The following WDFY2 variants were observed in gnomAD, a reference collection of about 807,000 sequenced individuals.
The protein encoded by WDFY2 is WD repeat and FYVE domain-containing protein 2.
In WDFY2, 36 loss-of-function variants were observed where a neutral mutation model predicts 56.4. That is an observed-to-expected ratio of 0.64 (90% CI 0.49 to 0.84). The LOEUF (loss-of-function observed/expected upper bound fraction) is 0.84. WDFY2 is among the 40% of genes least tolerant of loss of function. The pLI is 0.00. For missense variants in WDFY2, 444 were observed against 512.2 expected (o/e 0.87, Z 1.29); for synonymous variants, 176 against 183.7 (o/e 0.96, Z 0.34).
intron 7 of WDFY2, 127 bp downstream of exon 7, chr13:51,739,302 A>C: frequency 1.8e-6 from 2 of 1,104,556 alleles, no homozygotes; most frequent in Non-Finnish European, 2.4e-6. Flanking sequence ...GAACACAAAT[A>C]CTGGCCACTT....
chr13:51,621,219 T>C (rs1396634661), intron 1 of WDFY2, among the ~76,000 whole-genome samples: 1 of 152,144 alleles, frequency 6.6e-6, no homozygotes, highest in Admixed American at 6.5e-5. Context: ...TTGAAAATAT[T>C]CTTGGCCGGG....
intron 1 of WDFY2, among the ~76,000 whole-genome samples, chr13:51,600,665 G>C (rs771562166): frequency 2.1e-4 from 32 of 152,088 alleles, no homozygotes; most frequent in Non-Finnish European, 3.5e-4. Flanking sequence ...GAGTCATGTT[G>C]CAGGGATATG....
At chr13:51,727,271 T>C (rs1361092618) in intron 5 of WDFY2, among the ~76,000 whole-genome samples, 1 of 152,216 alleles carries the variant, frequency 6.6e-6, no homozygotes, top group Non-Finnish European at 1.5e-5. Context: ...ACTACACTTT[T>C]AATTAAAGAA....
intron 3 of WDFY2, among the ~76,000 whole-genome samples, chr13:51,696,211 C>A (rs759629674): frequency 3.9e-5 from 6 of 152,202 alleles, no homozygotes; most frequent in Non-Finnish European, 8.8e-5. Context: ...CTGGCACTCC[C>A]TAGTGAGATG....
In WDFY2 at chr13:51,608,870, A is replaced by C. The variant is rs76706906; in HGVS notation, c.137+24046A>C. On this transcript the variant is annotated intron_variant, in intron 1 of 11. Transcript: ENST00000298125. Reference sequence around the variant, plus strand: ...CAATGTATTTTACCATTTCTCTATTAGGGGGCATTTAGGTTATTTCCAGGG... The same window carrying C: ...CAATGTATTTTACCATTTCTCTATTCGGGGGCATTTAGGTTATTTCCAGGG... 7.2e-5 allele frequency among the ~76,000 whole-genome samples: 11 copies of C among 152,198 alleles called. No individual in the cohort carries two copies. The East Asian group carries it at 2.1e-3, about 29-fold the overall frequency.
At chr13:51,678,715 G>T (rs1032245118) in intron 3 of WDFY2, among the ~76,000 whole-genome samples, 2 of 152,152 alleles carry the variant, frequency 1.3e-5, no homozygotes, top group Non-Finnish European at 1.5e-5. Flanking sequence ...ACATAGTGTG[G>T]CTTCTGGTCT....
intron 1 of WDFY2, chr13:51,589,803 G>C (rs187234981): frequency 6.6e-6 from 1 of 152,124 alleles, no homozygotes; most frequent in Non-Finnish European, 1.5e-5. Flanking sequence ...TTTCCACTGC[G>C]CACTTGAGAC....
At chr13:51,721,566 A>T (rs111232106) in intron 5 of WDFY2, among the ~76,000 whole-genome samples, 1 of 151,902 alleles carries the variant, frequency 6.6e-6, no homozygotes, top group African/African-American at 2.4e-5. Flanking sequence ...TTGCCACACC[A>T]TGTGGTTTAC....
At chr13:51,705,166 C>T (rs1952057675) in intron 4 of WDFY2, among the ~76,000 whole-genome samples, 1 of 152,166 alleles carries the variant, frequency 6.6e-6, no homozygotes, top group Non-Finnish European at 1.5e-5. Flanking sequence ...GACTGACACC[C>T]TAGTTTAATA....
rs149631748 is a variant in WDFY2, at chr13:51,750,289, C to T, written c.726-1021C>T. 7.4e-4 allele frequency among the ~76,000 whole-genome samples: 113 copies of T among 152,244 alleles called. 3 individuals carry two copies. The East Asian group carries it at 0.021, about 28-fold the overall frequency. ...CAAGTTCTTTTAATTTAAAAGGTAT[C>T]GTAATCCAATTTATTGACACCCTCT... On this transcript the variant is annotated intron_variant, in intron 7 of 11. Coordinates refer to ENST00000298125, the MANE Select transcript of WDFY2 (RefSeq NM_052950.4).
At chr13:51,725,660 A>G (rs146597452) in intron 5 of WDFY2, among the ~76,000 whole-genome samples, 4 of 150,738 alleles carry the variant, frequency 2.7e-5, no homozygotes, top group African/African-American at 7.3e-5. Context: ...GTATATACAT[A>G]TGTGTGTGTG....
At chr13:51,599,992 T>C (rs1420461951) in intron 1 of WDFY2, among the ~76,000 whole-genome samples, 1 of 151,986 alleles carries the variant, frequency 6.6e-6, no homozygotes, top group Non-Finnish European at 1.5e-5. Flanking sequence ...ACCTTCTTCC[T>C]TCCTCCTTCT....
intron 2 of WDFY2, among the ~76,000 whole-genome samples, chr13:51,664,305 T>G (rs1007395715): frequency 6.6e-6 from 1 of 152,208 alleles, no homozygotes; most frequent in Non-Finnish European, 1.5e-5. Flanking sequence ...CTGGCCTGGT[T>G]AAGGCCGTTT....
chr13:51,640,863 G>C (rs1809426386), intron 1 of WDFY2, among the ~76,000 whole-genome samples: 1 of 152,032 alleles, frequency 6.6e-6, no homozygotes, highest in Admixed American at 6.6e-5. Flanking sequence ...TTCCTCTAGA[G>C]TCCTAGCTAG....
chr13:51,660,515 A>C, intron 1 of WDFY2, 81 bp from the exon 2 acceptor site: 2 of 1,391,238 alleles, frequency 1.4e-6, no homozygotes, highest in Non-Finnish European at 2.0e-6. Flanking sequence ...TATAATATTA[A>C]GAGATTTGTT....
chr13:51,638,336 T>G (rs1955091554), intron 1 of WDFY2, among the ~76,000 whole-genome samples: 1 of 152,082 alleles, frequency 6.6e-6, no homozygotes, highest in African/African-American at 2.4e-5. Context: ...ACTAAGGCAG[T>G]ACGGATAGCA....
At chr13:51,716,115 G>A (rs529135863) in intron 4 of WDFY2, among the ~76,000 whole-genome samples, 22 of 152,118 alleles carry the variant, frequency 1.4e-4, no homozygotes, top group Non-Finnish European at 2.8e-4. Flanking sequence ...GAAAAAAGCC[G>A]CACACAAAAG....
intron 6 of WDFY2, among the ~76,000 whole-genome samples, chr13:51,738,639 C>G (rs1448780715): frequency 6.6e-6 from 1 of 152,144 alleles, no homozygotes; most frequent in Non-Finnish European, 1.5e-5. Context: ...AATAAAAAAT[C>G]TAATTGAGCA....
intron 3 of WDFY2, among the ~76,000 whole-genome samples, chr13:51,678,325 A>G (rs1955921762): frequency 6.6e-6 from 1 of 152,158 alleles, no homozygotes; most frequent in South Asian, 2.1e-4. Context: ...GGCTCCTTTT[A>G]CAAATTGGGA....
Sources: gnomAD v4.1 joint callset for allele counts (sites outside exome capture counted in the v4.1 genomes callset) on GRCh38, gnomAD v4.1.1 for gene constraint, MANE v1.5 for transcripts, NCBI Gene and HGNC (gene_info 2026-07-23, HGNC 2026-07-21) for gene names.